Variants in GJB7 observed in about 807,000 individuals in gnomAD.
GJB7 encodes the protein gap junction beta-7 protein.
For missense variants in GJB7, 253 were observed against 256.8 expected (o/e 0.99, Z 0.10); for synonymous variants, 87 against 95.2 (o/e 0.91, Z 0.50).
At chr6:87,298,749 C>T (rs1776280532) in intron 2 of GJB7, 2 of 221,996 alleles carry the variant, frequency 9.0e-6, no homozygotes, top group Non-Finnish European at 9.6e-6. Context: ...ACCGCACCCA[C>T]GCCTCGCTGC....
chr6:87,309,291 C>T (rs1403495315), intron 2 of GJB7, among the ~76,000 whole-genome samples: 2 of 152,166 alleles, frequency 1.3e-5, no homozygotes, highest in Non-Finnish European at 2.9e-5. Flanking sequence ...TGCAGGATAC[C>T]CTTGTCACCA....
chr6:87,327,830 G>C (rs947122679), intron 1 of GJB7, among the ~76,000 whole-genome samples: 1 of 148,922 alleles, frequency 6.7e-6, no homozygotes, highest in Non-Finnish European at 1.5e-5. Flanking sequence ...AGTTCTCCTG[G>C]ATAATATCCT....
chr6:87,309,074 ACAGT>A (rs1338347041), intron 2 of GJB7, among the ~76,000 whole-genome samples: 1 of 152,152 alleles, frequency 6.6e-6, no homozygotes, highest in Non-Finnish European at 1.5e-5. Context: ...ATTGGCATGG[ACAGT>A]CAGGGAGAGA....
intron 2 of GJB7, among the ~76,000 whole-genome samples, chr6:87,304,211 AC>A (rs939240495): frequency 5.3e-5 from 8 of 152,184 alleles, no homozygotes; most frequent in African/African-American, 1.9e-4. Context: ...CACAAAAAAA[AC>A]CCTTCAAAAA....
intron 2 of GJB7, chr6:87,298,979 A>C (rs547223534): frequency 2.1e-6 from 1 of 468,054 alleles, no homozygotes; most frequent in East Asian, 5.7e-5. Flanking sequence ...TAAAGTAACA[A>C]AAGATGGTGT....
At chr6:87,301,304 A>G (rs1490053367) in intron 2 of GJB7, among the ~76,000 whole-genome samples, 2 of 152,166 alleles carry the variant, frequency 1.3e-5, no homozygotes, top group African/African-American at 4.8e-5. Flanking sequence ...GACAGACGGC[A>G]CCTGGAAAAT....
chr6:87,297,287 C>T (rs1041231060), intron 2 of GJB7, among the ~76,000 whole-genome samples: 1 of 152,180 alleles, frequency 6.6e-6, no homozygotes, highest in African/African-American at 2.4e-5. Flanking sequence ...ATCATACTAC[C>T]TCCCACTGTG....
At chr6:87,302,047 A>G (rs1776337120) in intron 2 of GJB7, among the ~76,000 whole-genome samples, 1 of 152,224 alleles carries the variant, frequency 6.6e-6, no homozygotes, top group Non-Finnish European at 1.5e-5. Context: ...ATCATCAAAG[A>G]CCAAAGGTAG....
chr6:87,307,946 A>C (rs1363702952), intron 2 of GJB7, among the ~76,000 whole-genome samples: 1 of 152,218 alleles, frequency 6.6e-6, no homozygotes, highest in Non-Finnish European at 1.5e-5. Flanking sequence ...TTGCAGCACT[A>C]TTCACAATAA....
chr6:87,288,976 G>A (rs1405575243), intron 2 of GJB7, among the ~76,000 whole-genome samples: 3 of 152,052 alleles, frequency 2.0e-5, no homozygotes, highest in South Asian at 4.1e-4. Flanking sequence ...TCATTTCTCT[G>A]CCCTACCATG....
At chr6:87,314,526 G>C (rs1189397158) in intron 2 of GJB7, among the ~76,000 whole-genome samples, 3 of 152,186 alleles carry the variant, frequency 2.0e-5, no homozygotes, top group Non-Finnish European at 4.4e-5. Flanking sequence ...GGGTGCTGTG[G>C]GAAGAAGCTA....
In GJB7 at chr6:87,285,270, T is replaced by G. The variant is rs571722577; in HGVS notation, c.-27-331A>C. Among the ~76,000 whole-genome samples, 11 of 152,342 alleles carry G rather than the reference T, an allele frequency of 7.2e-5. No homozygotes were observed. The South Asian group carries it at 2.3e-3, about 32-fold the overall frequency. ...CCCTCTAAAGATGGATGGGTCATGT[T>G]ACTGATATGAAGAGAATTAGACATG... On this transcript the variant is annotated intron_variant, in intron 2 of 2. Coordinates refer to ENST00000525899, the MANE Select transcript of GJB7 (RefSeq NM_198568.3).
intron 2 of GJB7, among the ~76,000 whole-genome samples, chr6:87,286,353 C>T (rs947121588): frequency 6.6e-6 from 1 of 152,182 alleles, no homozygotes; most frequent in African/African-American, 2.4e-5. Flanking sequence ...ATCCTAGACT[C>T]CTCTCTCATG....
intron 2 of GJB7, among the ~76,000 whole-genome samples, chr6:87,296,511 C>A (rs1582557255): frequency 6.6e-6 from 1 of 152,154 alleles, no homozygotes. Context: ...GCAACTATAT[C>A]TTCATTATGT....
chr6:87,307,217 A>G (rs866849098), intron 2 of GJB7, among the ~76,000 whole-genome samples: 1 of 151,308 alleles, frequency 6.6e-6, no homozygotes, highest in Non-Finnish European at 1.5e-5. Flanking sequence ...AAAAAAAACT[A>G]TTAAAAAAAA....
At chr6:87,298,792 C>A in intron 2 of GJB7, 1 of 269,196 alleles carries the variant, frequency 3.7e-6, no homozygotes, top group South Asian at 5.1e-5. Flanking sequence ...TACCCACAGT[C>A]TTGCCAGATG....
intron 2 of GJB7, chr6:87,322,647 C>G (rs181011375): frequency 2.2e-4 from 34 of 152,500 alleles, no homozygotes; most frequent in Admixed American, 1.6e-3. Flanking sequence ...GCGGCGGCTT[C>G]GGTGGTGTTG....
intron 2 of GJB7, among the ~76,000 whole-genome samples, chr6:87,288,347 A>G (rs1400101211): frequency 6.6e-6 from 1 of 152,234 alleles, no homozygotes; most frequent in East Asian, 1.9e-4. Flanking sequence ...GGTTCTTGTA[A>G]CAATTGGAGA....
At chr6:87,319,946 TG>T (rs1776631934) in intron 2 of GJB7, among the ~76,000 whole-genome samples, 1 of 152,112 alleles carries the variant, frequency 6.6e-6, no homozygotes, top group Non-Finnish European at 1.5e-5. Context: ...CACTTATTTG[TG>T]GGAGATACAA....
Sources: allele counts gnomAD v4.1 joint callset (sites outside exome capture counted in the v4.1 genomes callset), GRCh38; gene constraint gnomAD v4.1.1; transcripts MANE v1.5; gene names NCBI Gene and HGNC (gene_info 2026-07-23, HGNC 2026-07-21).